The following TBL1XR1 variants were observed in gnomAD, a reference collection of about 807,000 sequenced individuals.
TBL1XR1 encodes TBL1X/Y related 1, also known as F-box-like/WD repeat-containing protein TBL1XR1.
A neutral mutation model predicts 66.9 loss-of-function variants in TBL1XR1; 5 were observed. The observed-to-expected ratio is 0.07, with a 90% confidence interval of 0.04 to 0.16. TBL1XR1 has a LOEUF of 0.16. Among genes scored for constraint, TBL1XR1 ranks in the 10% least tolerant of loss-of-function variants. The pLI is 1.00. For synonymous variants in TBL1XR1, 210 were observed against 206.0 expected, an observed-to-expected ratio of 1.02 and a Z score of -0.17; for missense variants, 238 against 623.2, an observed-to-expected ratio of 0.38 and a Z score of 6.58.
At chr3:177,137,226 C>T (rs73171108) in intron 1 of TBL1XR1, among the ~76,000 whole-genome samples, 7,069 of 152,332 alleles carry the variant, frequency 0.046, 228 homozygotes, top group Middle Eastern at 0.086. Flanking sequence ...GGCATGGTGG[C>T]TTGCGCCTGT....
At chr3:177,193,148 G>A (rs6784169) in intron 1 of TBL1XR1, among the ~76,000 whole-genome samples, 3,386 of 151,284 alleles carry the variant, frequency 0.022, 138 homozygotes, top group African/African-American at 0.078. Context: ...GCGAAACTCC[G>A]TCTCAAAAAA....
intron 1 of TBL1XR1, among the ~76,000 whole-genome samples, chr3:177,132,780 A>C (rs1275943318): frequency 6.6e-6 from 1 of 152,184 alleles, no homozygotes; most frequent in Non-Finnish European, 1.5e-5. Context: ...ACAGAGTGGC[A>C]AGCAATAAAC....
chr3:177,187,106 G>A (rs1316916496), intron 1 of TBL1XR1, among the ~76,000 whole-genome samples: 4 of 150,320 alleles, frequency 2.7e-5, no homozygotes, highest in African/African-American at 9.8e-5. Flanking sequence ...GGCGGAGTGT[G>A]CCATGAGCCG....
At chr3:177,028,756 G>A (rs1250302212) in intron 14 of TBL1XR1, among the ~76,000 whole-genome samples, 1 of 152,082 alleles carries the variant, frequency 6.6e-6, no homozygotes, top group Non-Finnish European at 1.5e-5. Context: ...TGACTAAAGT[G>A]GCAAGAACAG....
chr3:177,091,208 G>A (rs1383496089), intron 2 of TBL1XR1: 1 of 151,678 alleles, frequency 6.6e-6, no homozygotes, highest in Non-Finnish European at 1.5e-5. Flanking sequence ...AGAGAAAAAT[G>A]AAAACAACAG....
chr3:177,191,558 A>C (rs1736141882), intron 1 of TBL1XR1, among the ~76,000 whole-genome samples: 1 of 152,200 alleles, frequency 6.6e-6, no homozygotes, highest in African/African-American at 2.4e-5. Flanking sequence ...ACTTTTGACT[A>C]TTAGCAAAGT....
intron 1 of TBL1XR1, among the ~76,000 whole-genome samples, chr3:177,174,985 T>C (rs1733991046): frequency 2.0e-5 from 3 of 152,222 alleles, no homozygotes. Context: ...TTAAAAACTG[T>C]ACGCTAGACA....
intron 1 of TBL1XR1, among the ~76,000 whole-genome samples, chr3:177,115,044 G>A (rs1378475111): frequency 6.6e-6 from 1 of 152,000 alleles, no homozygotes; most frequent in East Asian, 1.9e-4. Context: ...GTAAGGAGGA[G>A]TGAGGCGGTC....
chr3:177,155,579 G>A (rs905303046), intron 1 of TBL1XR1, among the ~76,000 whole-genome samples: 3 of 152,116 alleles, frequency 2.0e-5, no homozygotes, highest in African/African-American at 7.2e-5. Context: ...CATAAGGAAA[G>A]CTGATCTTAA....
chr3:177,081,080 T>TA (rs1188019336), intron 2 of TBL1XR1, among the ~76,000 whole-genome samples: 1 of 152,232 alleles, frequency 6.6e-6, no homozygotes, highest in Non-Finnish European at 1.5e-5. Context: ...GCAAATTACC[T>TA]AAAGTGATTA....
rs1419817991 is a variant in TBL1XR1 at position 177,020,130 on chromosome 3, T to C, written c.*5368A>G. The stretch of plus-strand genomic sequence containing the variant: ...AACAACTAGCTAAGAGAGAAAATGA[T>C]TCAACTATAATTGGCTTGTTGTGAA... On this transcript the variant is annotated 3_prime_UTR_variant, in exon 16 of 16. Transcript: ENST00000457928. 6.6e-6 allele frequency: 1 copy of C among 152,082 alleles called. No individual in the cohort carries two copies. Among genetic ancestry groups the C allele is most frequent in the Non-Finnish European group, 1.5e-5 (1 of 67,992 alleles). 9.4% of individuals were successfully genotyped at this position (152,082 alleles called of 1,614,324 possible).
chr3:177,157,836 C>T (rs9838880), intron 1 of TBL1XR1, among the ~76,000 whole-genome samples: 5,416 of 152,226 alleles, frequency 0.036, 337 homozygotes, highest in African/African-American at 0.12. Context: ...CAGTTTTATA[C>T]GTGATCTTCG....
rs547882497 is a variant in TBL1XR1, at chr3:177,083,899, C to T, written c.-46+14567G>A. 7.4e-4 allele frequency among the ~76,000 whole-genome samples: 113 copies of T among 151,802 alleles called. 1 individual carries two copies. The highest frequency in any genetic ancestry group is 2.4e-3 in the African/African-American group (98 of 41,396). On this transcript the variant is annotated intron_variant, in intron 2 of 15. Coordinates refer to ENST00000457928, the MANE Select transcript of TBL1XR1 (RefSeq NM_024665.7). The stretch of plus-strand genomic sequence containing the variant: ...GGTCAGGAGTTCGAGATCAGCCTGG[C>T]CAACATGATGAAACCCCATCTCTAC...
chr3:177,184,748 C>A (rs1227764796), intron 1 of TBL1XR1, among the ~76,000 whole-genome samples: 1 of 151,812 alleles, frequency 6.6e-6, no homozygotes, highest in Non-Finnish European at 1.5e-5. Flanking sequence ...CTGCAGTAAG[C>A]CGATCGCACC....
intron 1 of TBL1XR1, among the ~76,000 whole-genome samples, chr3:177,133,297 AAAAT>A: frequency 6.6e-6 from 1 of 152,260 alleles, no homozygotes; most frequent in African/African-American, 2.4e-5. Context: ...CAAAAAATAA[AAAAT>A]AAATAAATAA....
chr3:177,048,451 T>C (rs182492364), intron 7 of TBL1XR1, among the ~76,000 whole-genome samples: 5 of 152,300 alleles, frequency 3.3e-5, no homozygotes, highest in Non-Finnish European at 5.9e-5. Flanking sequence ...TCTCAAGCCA[T>C]TTAGCAGTAT....
chr3:177,034,300 C>A lies in TBL1XR1; in HGVS notation c.1148G>T (p.Cys383Phe). The change falls in exon 13 of 16, where the codon TGT (cysteine) becomes TTT (phenylalanine). Residue 383 changes from cysteine (C) to phenylalanine (F), a missense_variant. Cys to Phe is a radical substitution (Grantham distance 205). Transcript: ENST00000457928. Reference protein sequence around the residue: ...LKIWSMKQDNCVHDLQAHNKE... With the variant: ...LKIWSMKQDNFVHDLQAHNKE... ...ATTATGTGCTTGCAAATCATGGACA[C>A]AATTGTCTTGTTTCATACTCCATAT... The A allele has an allele frequency of 6.3e-7, 1 of 1,588,776 alleles. No homozygotes were observed. The highest frequency in any genetic ancestry group is 1.2e-5 in the South Asian group (1 of 84,926).
Position 177,067,021 on chromosome 3 carries a change from T to G in TBL1XR1, c.-45-1999A>C, listed in dbSNP as rs1453501125. 2.6e-5 allele frequency among the ~76,000 whole-genome samples: 4 copies of G among 152,212 alleles called. No homozygotes were observed. In the East Asian group the frequency reaches 7.7e-4, roughly 29 times the overall value. On this transcript the variant is annotated intron_variant, in intron 2 of 15. Transcript: ENST00000457928. ...TTTTGAGGATACTGGCCCAGGGCACTGGTCTAGATGTACTATAGTACACTA... is the reference window on the plus strand; with the variant it reads ...TTTTGAGGATACTGGCCCAGGGCACGGGTCTAGATGTACTATAGTACACTA...
intron 1 of TBL1XR1, among the ~76,000 whole-genome samples, chr3:177,125,005 G>T (rs920370353): frequency 6.6e-5 from 10 of 151,908 alleles, no homozygotes; most frequent in African/African-American, 2.2e-4. Context: ...TTATGACCTT[G>T]GATTAGGCAA....
Sources: gnomAD v4.1 joint callset for allele counts (sites outside exome capture counted in the v4.1 genomes callset) on GRCh38, gnomAD v4.1.1 for gene constraint, MANE v1.5 for transcripts, NCBI Gene and HGNC (gene_info 2026-07-23, HGNC 2026-07-21) for gene names.